Variants in COL21A1 observed in about 807,000 individuals in gnomAD.
The protein encoded by COL21A1 is collagen alpha-1(XXI) chain.
Under a neutral mutation model 137.9 loss-of-function variants are expected in COL21A1, and 149 were observed. The observed-to-expected ratio is 1.08, with a 90% CI of 0.95 to 1.24. The LOEUF (loss-of-function observed/expected upper bound fraction) is 1.24, where lower values mean the gene tolerates loss of function less well. COL21A1 is among the 50% of genes most tolerant of loss of function. COL21A1 has a pLI of 0.00. For synonymous variants in COL21A1, 456 were observed against 391.5 expected, an observed-to-expected ratio of 1.16 and a Z score of -1.95; for missense variants, 1,167 against 1,158.4, an observed-to-expected ratio of 1.01 and a Z score of -0.11.
At chr6:56,264,817 T>C (rs1457215430) in intron 1 of COL21A1, among the ~76,000 whole-genome samples, 2 of 152,228 alleles carry the variant, frequency 1.3e-5, no homozygotes, top group African/African-American at 4.8e-5. Context: ...ATTTCTAATC[T>C]ATCCACTTCT....
chr6:56,193,574 T>C, intron 1 of COL21A1, among the ~76,000 whole-genome samples: 1 of 152,092 alleles, frequency 6.6e-6, no homozygotes, highest in East Asian at 1.9e-4. Flanking sequence ...TAGGCTACAT[T>C]TGCAAAGTCA....
chr6:56,162,078 T>A (rs1413036851), intron 9 of COL21A1, among the ~76,000 whole-genome samples: 5 of 152,222 alleles, frequency 3.3e-5, no homozygotes, highest in African/African-American at 4.8e-5. Context: ...ACTTGTCTCA[T>A]CTGTTTTAAT....
At chr6:56,191,933 C>T (rs2152291034) in intron 1 of COL21A1, among the ~76,000 whole-genome samples, 1 of 152,242 alleles carries the variant, frequency 6.6e-6, no homozygotes, top group Non-Finnish European at 1.5e-5. Context: ...AGGCATCATG[C>T]TACCTGACTC....
At chr6:56,229,820 T>G (rs892707688) in intron 1 of COL21A1, among the ~76,000 whole-genome samples, 8 of 151,946 alleles carry the variant, frequency 5.3e-5, no homozygotes, top group African/African-American at 1.9e-4. Flanking sequence ...TACCTGAAAT[T>G]TATTTGACAA....
chr6:56,076,690 A>G (rs1369079857), intron 18 of COL21A1, among the ~76,000 whole-genome samples: 1 of 151,522 alleles, frequency 6.6e-6, no homozygotes. Flanking sequence ...ACCAGAATGT[A>G]AGACAACCAA....
chr6:56,063,273 G>C (rs1765965226), intron 24 of COL21A1, among the ~76,000 whole-genome samples: 1 of 152,126 alleles, frequency 6.6e-6, no homozygotes, highest in Admixed American at 6.6e-5. Context: ...GCTAAGTTGT[G>C]AGTTCAAATT....
At chr6:56,272,072 A>T (rs1763541066) in intron 1 of COL21A1, among the ~76,000 whole-genome samples, 1 of 152,236 alleles carries the variant, frequency 6.6e-6, no homozygotes, top group African/African-American at 2.4e-5. Context: ...CCACTGGGGA[A>T]CTGCCTACTG....
At chr6:56,236,341 A>G (rs1456288271) in intron 1 of COL21A1, among the ~76,000 whole-genome samples, 1 of 152,070 alleles carries the variant, frequency 6.6e-6, no homozygotes, top group African/African-American at 2.4e-5. Context: ...AAAGTTTCCA[A>G]TAGATGGGGA....
intron 17 of COL21A1, among the ~76,000 whole-genome samples, chr6:56,088,609 G>A (rs906062328): frequency 2.0e-5 from 3 of 152,056 alleles, no homozygotes; most frequent in Admixed American, 6.6e-5. Flanking sequence ...TGCAGCAGCA[G>A]ACCTCAATCT....
At chr6:56,274,756 TG>T (rs979799559) in intron 1 of COL21A1, among the ~76,000 whole-genome samples, 1 of 152,120 alleles carries the variant, frequency 6.6e-6, no homozygotes, top group Non-Finnish European at 1.5e-5. Context: ...TCCATGCCTA[TG>T]GATTAAAAAA....
At chr6:56,282,102 A>G (rs2152334095) in intron 1 of COL21A1, among the ~76,000 whole-genome samples, 1 of 152,300 alleles carries the variant, frequency 6.6e-6, no homozygotes, top group East Asian at 1.9e-4. Flanking sequence ...AATTTCAGGT[A>G]TGTCAAATAA....
At chr6:56,280,405 G>T (rs756917246) in intron 1 of COL21A1, among the ~76,000 whole-genome samples, 17 of 152,102 alleles carry the variant, frequency 1.1e-4, no homozygotes, top group Non-Finnish European at 2.1e-4. Context: ...TTGCACAACT[G>T]AATGCAGCTC....
chr6:56,285,437 G>T (rs953364237), intron 1 of COL21A1, among the ~76,000 whole-genome samples: 7 of 152,178 alleles, frequency 4.6e-5, no homozygotes, highest in African/African-American at 1.7e-4. Context: ...AACACTAGGA[G>T]TAGCATTTGT....
chr6:56,332,727 T>C (rs6459153), intron 1 of COL21A1, among the ~76,000 whole-genome samples: 104,967 of 151,636 alleles, frequency 0.69, 36,613 homozygotes, highest in East Asian at 0.91. Context: ...ATAGAGAGTG[T>C]CATCTTTCTA....
At chr6:56,299,080 G>A (rs906092871) in intron 1 of COL21A1, among the ~76,000 whole-genome samples, 2 of 152,116 alleles carry the variant, frequency 1.3e-5, no homozygotes, top group African/African-American at 4.8e-5. Context: ...TGGGAGGCAG[G>A]AAAGTCAGCT....
intron 1 of COL21A1, among the ~76,000 whole-genome samples, chr6:56,256,982 C>T (rs1034131372): frequency 2.6e-5 from 4 of 152,078 alleles, no homozygotes; most frequent in Non-Finnish European, 5.9e-5. Flanking sequence ...CAGATACAGA[C>T]TCTGATGAAT....
At chr6:56,206,697 A>AATAT (rs1204449084) in intron 1 of COL21A1, among the ~76,000 whole-genome samples, 439 of 31,884 alleles carry the variant, frequency 0.014, 2 homozygotes, top group Middle Eastern at 0.028. Context: ...TAAATAAATA[A>AATAT]ATATATATAT....
At chr6:56,383,737 T>C (rs2094012670) in intron 1 of COL21A1, among the ~76,000 whole-genome samples, 1 of 152,190 alleles carries the variant, frequency 6.6e-6, no homozygotes, top group Non-Finnish European at 1.5e-5. Context: ...ACCCAGGTTT[T>C]TGGCTTTCTA....
chr6:56,254,876 G>C (rs1465537513), intron 1 of COL21A1, among the ~76,000 whole-genome samples: 2 of 151,950 alleles, frequency 1.3e-5, no homozygotes, highest in Non-Finnish European at 2.9e-5. Context: ...CTTTAAAAAA[G>C]AAAAAGAATC....
Sources: gnomAD v4.1 joint callset for allele counts (sites outside exome capture counted in the v4.1 genomes callset) on GRCh38, gnomAD v4.1.1 for gene constraint, MANE v1.5 for transcripts, NCBI Gene and HGNC (gene_info 2026-07-23, HGNC 2026-07-21) for gene names.